Variants in WDFY4 observed in about 807,000 individuals in gnomAD.
WDFY4 encodes WD repeat- and FYVE domain-containing protein 4.
In WDFY4, 169 loss-of-function variants were observed where a neutral mutation model predicts 351.9. The ratio of observed to expected loss-of-function variants is 0.48; its 90% CI spans 0.42 to 0.55. The LOEUF (loss-of-function observed/expected upper bound fraction) is 0.55, where lower values mean the gene tolerates loss of function less well. Ranked by LOEUF, WDFY4 falls within the 20% of genes least tolerant of loss-of-function variation. The pLI is 0.00. For missense variants in WDFY4, 3,803 were observed against 3,935.6 expected, an observed-to-expected ratio of 0.97 and a Z score of 0.90; for synonymous variants, 1,622 against 1,574.6, an observed-to-expected ratio of 1.03 and a Z score of -0.71.
At chr10:48,941,053 G>A (rs1840727333) in intron 47 of WDFY4, among the ~76,000 whole-genome samples, 1 of 152,162 alleles carries the variant, frequency 6.6e-6, no homozygotes, top group South Asian at 2.1e-4. Flanking sequence ...GAAGTACCCA[G>A]AGACATGTGC....
chr10:48,875,355 A>G (rs1322501279), intron 42 of WDFY4, among the ~76,000 whole-genome samples: 1 of 152,234 alleles, frequency 6.6e-6, no homozygotes, highest in Non-Finnish European at 1.5e-5. Context: ...GGTTGCAACA[A>G]TAACAATTTT....
intron 12 of WDFY4, among the ~76,000 whole-genome samples, chr10:48,751,964 G>A (rs140169198): frequency 3.3e-5 from 5 of 152,252 alleles, no homozygotes; most frequent in South Asian, 2.1e-4. Flanking sequence ...GGCCAAGCAC[G>A]CCTCACACCA....
chr10:48,859,125 G>A (rs1481296308), intron 39 of WDFY4, among the ~76,000 whole-genome samples: 1 of 151,870 alleles, frequency 6.6e-6, no homozygotes, highest in Non-Finnish European at 1.5e-5. Context: ...TTGCTTTGTT[G>A]TAAATACCTT....
chr10:48,719,334 G>C (rs566809397), intron 2 of WDFY4, among the ~76,000 whole-genome samples: 1 of 152,334 alleles, frequency 6.6e-6, no homozygotes, highest in South Asian at 2.1e-4. Flanking sequence ...GGCTGCCATT[G>C]AGATGAGATA....
chr10:48,913,703 G>A lies in WDFY4; in HGVS notation c.7586+11840G>A, dbSNP rs369639704. The A allele has an allele frequency of 7.4e-6, 12 of 1,612,386 alleles. No individual in the cohort carries two copies. In the African/African-American group the frequency reaches 1.3e-4, roughly 18 times the overall value. ...GGATGTTGTTCAGTAGGTTGTCATG[G>A]AGCCCTACCTCGTGGAGCTCCTTCA... On this transcript the variant is annotated intron_variant, in intron 47 of 61. Coordinates refer to ENST00000325239, the MANE Select transcript of WDFY4 (RefSeq NM_001394531.1).
At chr10:48,853,081 C>T (rs949695422) in intron 39 of WDFY4, among the ~76,000 whole-genome samples, 5 of 152,142 alleles carry the variant, frequency 3.3e-5, no homozygotes, top group African/African-American at 9.7e-5. Flanking sequence ...ATGTTTAAAC[C>T]ACCCTTGGTT....
At chr10:48,820,111 A>T in intron 32 of WDFY4, 123 bp from the exon 33 acceptor site, 1 of 1,107,368 alleles carries the variant, frequency 9.0e-7, no homozygotes, top group East Asian at 2.6e-5. Flanking sequence ...TCCTGTGCGG[A>T]GCCTCAATTT....
chr10:48,848,605 G>A (rs1347586052), intron 39 of WDFY4, among the ~76,000 whole-genome samples: 1 of 152,180 alleles, frequency 6.6e-6, no homozygotes, highest in African/African-American at 2.4e-5. Flanking sequence ...TTGGGCCCCA[G>A]TGAGTGAGGA....
intron 24 of WDFY4, among the ~76,000 whole-genome samples, chr10:48,800,934 T>C (rs1297592677): frequency 6.6e-6 from 1 of 152,020 alleles, no homozygotes; most frequent in Non-Finnish European, 1.5e-5. Flanking sequence ...GATTTCACCA[T>C]ATTGGTCAGG....
intron 5 of WDFY4, among the ~76,000 whole-genome samples, chr10:48,724,253 T>A (rs2064189918): frequency 6.6e-6 from 1 of 152,058 alleles, no homozygotes; most frequent in African/African-American, 2.4e-5. Flanking sequence ...GTGTGTCCAG[T>A]GTCTGCAGTG....
intron 58 of WDFY4, 126 bp downstream of exon 58, chr10:48,975,167 G>T: frequency 8.0e-7 from 1 of 1,255,878 alleles, no homozygotes; most frequent in Non-Finnish European, 1.1e-6. Flanking sequence ...GCCCCCAATT[G>T]TGTGGAACAG....
At chr10:48,835,605 A>G (rs1352393835) in intron 39 of WDFY4, among the ~76,000 whole-genome samples, 2 of 152,186 alleles carry the variant, frequency 1.3e-5, no homozygotes, top group African/African-American at 4.8e-5. Context: ...GCAACAGATT[A>G]TGTTTCTGTC....
chr10:48,880,854 G>A (rs1039235912), intron 43 of WDFY4, among the ~76,000 whole-genome samples: 2 of 152,118 alleles, frequency 1.3e-5, no homozygotes, highest in Admixed American at 6.5e-5. Flanking sequence ...CACCAGGCAC[G>A]CCTGCTTCTG....
chr10:48,685,438 A>G (rs2063017222), intron 1 of WDFY4, among the ~76,000 whole-genome samples: 1 of 152,166 alleles, frequency 6.6e-6, no homozygotes, highest in Non-Finnish European at 1.5e-5. Context: ...GCTCCCTCAT[A>G]GGCCTCTGAG....
chr10:48,972,579 A>T (rs1373590889), intron 57 of WDFY4, among the ~76,000 whole-genome samples: 1 of 152,240 alleles, frequency 6.6e-6, no homozygotes, highest in African/African-American at 2.4e-5. Context: ...AGTGCACTAC[A>T]GTTTAATAAA....
At chr10:48,932,421 C>T (rs148250157) in intron 47 of WDFY4, 26 of 152,286 alleles carry the variant, frequency 1.7e-4, no homozygotes, top group African/African-American at 6.3e-4. Flanking sequence ...ACTAACATTA[C>T]TAGTGATTGC....
At chr10:48,904,946 C>A (rs919646484) in intron 47 of WDFY4, among the ~76,000 whole-genome samples, 2 of 152,156 alleles carry the variant, frequency 1.3e-5, no homozygotes, top group East Asian at 3.8e-4. Context: ...CAGGTGGCCA[C>A]ACATGGTTCC....
chr10:48,709,713 C>T lies in WDFY4; in HGVS notation c.-17-3C>T. 1 of 1,549,686 alleles carries T rather than the reference C, an allele frequency of 6.5e-7. No homozygotes were observed. Among genetic ancestry groups the T allele is most frequent in the Non-Finnish European group, 8.7e-7 (1 of 1,145,050 alleles). ...TGTTCACTTCTATTTGTTCTGAATT[C>T]AGATCTGCTTTGCCACGGCATGGAG... On this transcript the variant is annotated splice_region_variant and splice_polypyrimidine_tract_variant and intron_variant, in intron 1 of 61. Coordinates refer to ENST00000325239, the MANE Select transcript of WDFY4 (RefSeq NM_001394531.1).
At chr10:48,848,664 A>C (rs369792710) in intron 39 of WDFY4, among the ~76,000 whole-genome samples, 8 of 152,202 alleles carry the variant, frequency 5.3e-5, no homozygotes, top group African/African-American at 1.9e-4. Flanking sequence ...CACTGCCTCC[A>C]CTTGGGAAGC....
Sources: allele counts gnomAD v4.1 joint callset (sites outside exome capture counted in the v4.1 genomes callset), GRCh38; gene constraint gnomAD v4.1.1; transcripts MANE v1.5; gene names NCBI Gene and HGNC (gene_info 2026-07-23, HGNC 2026-07-21).